Variants in VPS13A observed in about 807,000 individuals in gnomAD.
The protein encoded by VPS13A is intermembrane lipid transfer protein VPS13A.
A neutral mutation model predicts 390.9 loss-of-function variants in VPS13A; 264 were observed. That is an observed-to-expected ratio of 0.68 (90% CI 0.61 to 0.75). The LOEUF (loss-of-function observed/expected upper bound fraction) is 0.75. Ranked by LOEUF, VPS13A falls within the 30% of genes least tolerant of loss-of-function variation. The probability of loss-of-function intolerance (pLI) is 0.00; values close to 1 mark genes in which losing one functional copy is unlikely to be tolerated. For synonymous variants in VPS13A, 1,231 were observed against 1,227.1 expected (o/e 1.00, Z -0.07); for missense variants, 3,409 against 3,733.9 (o/e 0.91, Z 2.27).
At chr9:77,205,519 T>C in intron 4 of VPS13A, 111 bp downstream of exon 4, 2 of 454,052 alleles carry the variant, frequency 4.4e-6, no homozygotes. Context: ...TATTTAAATT[T>C]GATATTTGTT....
intron 71 of VPS13A, among the ~76,000 whole-genome samples, chr9:77,411,218 T>C (rs1834903844): frequency 6.6e-6 from 1 of 151,990 alleles, no homozygotes; most frequent in Non-Finnish European, 1.5e-5. Context: ...AAGGCAGAAA[T>C]AAAGATGTTC....
intron 59 of VPS13A, among the ~76,000 whole-genome samples, chr9:77,361,486 G>A (rs1180921083): frequency 6.6e-6 from 1 of 152,034 alleles, no homozygotes; most frequent in Non-Finnish European, 1.5e-5. Flanking sequence ...CCATATATCT[G>A]TTAATGGACG....
At chr9:77,179,986 C>A (rs1285824288) in intron 1 of VPS13A, among the ~76,000 whole-genome samples, 1 of 152,044 alleles carries the variant, frequency 6.6e-6, no homozygotes, top group South Asian at 2.1e-4. Context: ...TTTCTGGCTT[C>A]TTTAACCTAA....
In VPS13A at chr9:77,333,082, A is replaced by G. The variant is rs1255338721; in HGVS notation, c.6095+969A>G. Among the ~76,000 whole-genome samples the G allele has an allele frequency of 9.2e-5, 14 of 152,218 alleles. No homozygotes were observed. The East Asian group carries it at 2.7e-3, about 29-fold the overall frequency. On this transcript the variant is annotated intron_variant, in intron 46 of 71. Transcript: ENST00000360280. ...CATTTACAGTATCTGACCTTGCTCT[A>G]GAGAGGATTTGGGGTGGGTTACAAG...
intron 56 of VPS13A, 151 bp from the exon 57 acceptor site, chr9:77,358,206 T>C: frequency 4.5e-6 from 3 of 671,598 alleles, no homozygotes; most frequent in Non-Finnish European, 7.7e-6. Context: ...TCCACCCGCC[T>C]CGGCCTCCCA....
At chr9:77,251,056 T>C (rs534899700) in intron 21 of VPS13A, among the ~76,000 whole-genome samples, 83 of 152,344 alleles carry the variant, frequency 5.4e-4, no homozygotes, top group African/African-American at 1.9e-3. Context: ...GAATCCAAAG[T>C]AGTTGTTATC....
intron 34 of VPS13A, among the ~76,000 whole-genome samples, chr9:77,303,946 T>C (rs1180959672): frequency 6.6e-6 from 1 of 152,102 alleles, no homozygotes; most frequent in African/African-American, 2.4e-5. Context: ...GGCCTTCCTC[T>C]ATCTCAACTG....
intron 68 of VPS13A, chr9:77,382,388 G>A: frequency 6.8e-7 from 1 of 1,462,960 alleles, no homozygotes; most frequent in Non-Finnish European, 9.0e-7. Context: ...TCAGTATTTT[G>A]AATACAAAGA....
intron 13 of VPS13A, among the ~76,000 whole-genome samples, chr9:77,223,235 A>G (rs966773964): frequency 1.3e-5 from 2 of 151,726 alleles, no homozygotes; most frequent in Non-Finnish European, 2.9e-5. Flanking sequence ...TGTTTTCCTG[A>G]CTCCCTCTGC....
chr9:77,335,155 T>C (rs1161268720), intron 46 of VPS13A, among the ~76,000 whole-genome samples: 2 of 152,220 alleles, frequency 1.3e-5, no homozygotes, highest in African/African-American at 4.8e-5. Flanking sequence ...TATAGCTAAT[T>C]AGTTTTACAA....
In VPS13A at chr9:77,367,980, T is replaced by A. The variant is rs559868779; in HGVS notation, c.8472-75T>A. The A allele has an allele frequency of 1.3e-5, 17 of 1,304,004 alleles. No individual in the cohort carries two copies. The East Asian group carries it at 2.0e-4, about 15-fold the overall frequency. 80.8% of individuals were successfully genotyped at this position (1,304,004 alleles called of 1,614,324 possible). A position where few individuals can be genotyped will look rare whatever the true frequency, so the allele number is the denominator to read the frequency against. On this transcript the variant is annotated intron_variant, in intron 61 of 71. Coordinates refer to ENST00000360280, the MANE Select transcript of VPS13A (RefSeq NM_033305.3). ...TTTGGAGAAAAGATTCTAAAGAAAA[T>A]AAAGCCACTCATTAATATTAAAAAT...
At chr9:77,236,454 G>T (rs1473899792) in intron 17 of VPS13A, among the ~76,000 whole-genome samples, 2 of 152,158 alleles carry the variant, frequency 1.3e-5, no homozygotes, top group African/African-American at 4.8e-5. Context: ...GAAATTAGAT[G>T]TCCCCCCTCT....
intron 19 of VPS13A, among the ~76,000 whole-genome samples, 147 bp from the exon 20 acceptor site, chr9:77,247,102 ATTTTAAATTT>A (rs1159925610): frequency 2.0e-5 from 3 of 152,092 alleles, no homozygotes. Context: ...ATTGGCAGGT[ATTTTAAATTT>A]TATATTGGAA....
chr9:77,260,556 C>T (rs914983346), intron 23 of VPS13A, among the ~76,000 whole-genome samples: 7 of 151,708 alleles, frequency 4.6e-5, no homozygotes, highest in East Asian at 3.9e-4. Context: ...GGGGTTTCAC[C>T]GTGTTAGCCA....
chr9:77,325,404 T>G (rs1019879975), intron 45 of VPS13A, among the ~76,000 whole-genome samples: 1 of 150,510 alleles, frequency 6.6e-6, no homozygotes, highest in Non-Finnish European at 1.5e-5. Context: ...AGACCTTGTT[T>G]TTTTTTTTTT....
chr9:77,376,998 G>C (rs1425532286), intron 67 of VPS13A, among the ~76,000 whole-genome samples: 1 of 152,148 alleles, frequency 6.6e-6, no homozygotes, highest in Non-Finnish European at 1.5e-5. Flanking sequence ...AAGGTAGCTA[G>C]GATTTTGATG....
chr9:77,253,260 A>G (rs141427358), intron 22 of VPS13A, among the ~76,000 whole-genome samples: 280 of 152,220 alleles, frequency 1.8e-3, no homozygotes, highest in Non-Finnish European at 3.4e-3. Flanking sequence ...ATTTATTTGG[A>G]GAAATACATA....
chr9:77,358,883 T>C (rs902698778), intron 57 of VPS13A, among the ~76,000 whole-genome samples: 1 of 152,086 alleles, frequency 6.6e-6, no homozygotes, highest in Non-Finnish European at 1.5e-5. Flanking sequence ...CCCTACTTTC[T>C]CTTCCCTCCT....
At chr9:77,354,567 G>A (rs912036766) in intron 54 of VPS13A, among the ~76,000 whole-genome samples, 1 of 152,016 alleles carries the variant, frequency 6.6e-6, no homozygotes, top group Non-Finnish European at 1.5e-5. Context: ...TAAACAAATA[G>A]AATGCTTTAA....
Sources: gnomAD v4.1 joint callset for allele counts (sites outside exome capture counted in the v4.1 genomes callset) on GRCh38, gnomAD v4.1.1 for gene constraint, MANE v1.5 for transcripts, NCBI Gene and HGNC (gene_info 2026-07-23, HGNC 2026-07-21) for gene names.